Variants in UBE2D2 observed in about 807,000 individuals in gnomAD.
UBE2D2 encodes ubiquitin-conjugating enzyme E2 D2.
In UBE2D2, 2 loss-of-function variants were observed where a neutral mutation model predicts 24.2. That is an observed-to-expected ratio of 0.08 (90% CI 0.03 to 0.26). The LOEUF (loss-of-function observed/expected upper bound fraction) is 0.26, where lower values mean the gene tolerates loss of function less well. UBE2D2 is among the 10% of genes least tolerant of loss of function. The pLI is 1.00. For synonymous variants in UBE2D2, 58 were observed against 56.5 expected (o/e 1.03, Z -0.12); for missense variants, 44 against 177.6 (o/e 0.25, Z 4.28).
At chr5:139,532,339 C>T (rs1056286662) in intron 1 of UBE2D2, among the ~76,000 whole-genome samples, 1 of 150,060 alleles carries the variant, frequency 6.7e-6, no homozygotes, top group African/African-American at 2.5e-5. Context: ...CAACAACTCC[C>T]GGCTAGTTTT....
At chr5:139,603,485 C>T (rs753103639) in intron 2 of UBE2D2, among the ~76,000 whole-genome samples, 107 of 151,746 alleles carry the variant, frequency 7.1e-4, no homozygotes, top group Non-Finnish European at 1.2e-3. Context: ...TAGCTGGGCG[C>T]GGTGGCGCCT....
At chr5:139,626,700 C>CT in intron 6 of UBE2D2, 56 bp from the exon 7 acceptor site, 4 of 1,422,566 alleles carry the variant, frequency 2.8e-6, no homozygotes, top group Non-Finnish European at 4.0e-6. Flanking sequence ...TGAATGGAAT[C>CT]TGTTGCTTAC....
At chr5:139,571,087 G>A (rs1055979218) in intron 1 of UBE2D2, among the ~76,000 whole-genome samples, 8 of 152,098 alleles carry the variant, frequency 5.3e-5, no homozygotes, top group Admixed American at 3.3e-4. Context: ...TTACGTGTGA[G>A]TTGTTAGGGA....
At chr5:139,570,534 T>C (rs1000250858) in intron 1 of UBE2D2, among the ~76,000 whole-genome samples, 1 of 150,222 alleles carries the variant, frequency 6.7e-6, no homozygotes, top group Non-Finnish European at 1.5e-5. Flanking sequence ...TTATTTGAGA[T>C]GGAGTCTAGC....
chr5:139,598,718 T>G (rs1256014789), intron 1 of UBE2D2, among the ~76,000 whole-genome samples: 1 of 150,364 alleles, frequency 6.7e-6, no homozygotes, highest in African/African-American at 2.4e-5. Flanking sequence ...GTGCCACCAC[T>G]CCCAGCTAAT....
In UBE2D2 at chr5:139,539,443, G is replaced by A. The variant is rs149643881; in HGVS notation, c.-64+12831G>A. ...TGCCAGGGCTTAGGGAGATAGGGGT[G>A]TATGTGTGTGATTCTAAAGAGATGA... On this transcript the variant is annotated intron_variant, in intron 1 of 6. Coordinates refer to the UBE2D2 transcript ENST00000511725. Among the ~76,000 whole-genome samples, 65 of 152,246 alleles carry A rather than the reference G, an allele frequency of 4.3e-4. 2 individuals carry two copies. In the East Asian group the frequency reaches 0.012, roughly 27 times the overall value.
intron 1 of UBE2D2, among the ~76,000 whole-genome samples, chr5:139,540,580 T>C (rs187991349): frequency 2.4e-4 from 36 of 151,360 alleles, no homozygotes; most frequent in African/African-American, 8.7e-4. Flanking sequence ...AGCTATCTAA[T>C]TATCTGTTAT....
chr5:139,533,357 G>T (rs1266967286), intron 1 of UBE2D2, among the ~76,000 whole-genome samples: 1 of 151,136 alleles, frequency 6.6e-6, no homozygotes, highest in East Asian at 2.0e-4. Flanking sequence ...AGGTTGAAAG[G>T]AAAAGAAAAG....
chr5:139,560,767 G>C (rs1048243235), upstream of UBE2D2, among the ~76,000 whole-genome samples: 6 of 152,210 alleles, frequency 3.9e-5, no homozygotes, highest in African/African-American at 1.2e-4. Flanking sequence ...ACATGCCAGT[G>C]GCTGAGAACA....
intron 1 of UBE2D2, among the ~76,000 whole-genome samples, chr5:139,577,188 C>T (rs191105397): frequency 1.0e-3 from 153 of 152,026 alleles, no homozygotes; most frequent in African/African-American, 3.6e-3. Flanking sequence ...ACTTAACCAC[C>T]TGTGCTTTGA....
At chr5:139,539,111 A>G (rs1752724195) in intron 1 of UBE2D2, among the ~76,000 whole-genome samples, 2 of 151,072 alleles carry the variant, frequency 1.3e-5, no homozygotes, top group Non-Finnish European at 3.0e-5. Flanking sequence ...TGCAACCTCC[A>G]CCTCCCGGGT....
intron 1 of UBE2D2, among the ~76,000 whole-genome samples, chr5:139,569,851 G>A (rs1374659004): frequency 6.6e-6 from 1 of 152,164 alleles, no homozygotes; most frequent in Non-Finnish European, 1.5e-5. Context: ...TCCAGAGGAT[G>A]CAGCCTTTTT....
intron 1 of UBE2D2, among the ~76,000 whole-genome samples, chr5:139,528,917 AG>A (rs780163320): frequency 3.3e-5 from 5 of 152,284 alleles, no homozygotes; most frequent in Non-Finnish European, 7.3e-5. Flanking sequence ...GTGACTCTGA[AG>A]AAGATGACAA....
intron 1 of UBE2D2, among the ~76,000 whole-genome samples, chr5:139,550,399 A>T (rs1423218464): frequency 1.3e-5 from 2 of 152,154 alleles, no homozygotes; most frequent in African/African-American, 4.8e-5. Context: ...CTGTCAAAAC[A>T]GACCAATCAG....
At chr5:139,563,890 G>A (rs1753162612) in intron 1 of UBE2D2, among the ~76,000 whole-genome samples, 1 of 151,794 alleles carries the variant, frequency 6.6e-6, no homozygotes, top group African/African-American at 2.4e-5. Context: ...AGCCGAGATC[G>A]CGCCACTGCA....
chr5:139,605,419 C>T lies in UBE2D2; in HGVS notation c.88+4984C>T, dbSNP rs372439678. ...CATCCTGGCTAACATGGTGAAACCC[C>T]GTCTCTACTAAAAATACAAAAAATT... On this transcript the variant is annotated intron_variant, in intron 2 of 6. Transcript: ENST00000398733. Among the ~76,000 whole-genome samples, 77 of 151,548 alleles carry T rather than the reference C, an allele frequency of 5.1e-4. 1 individual carries two copies. In the East Asian group the frequency reaches 0.014, roughly 27 times the overall value.
intron 1 of UBE2D2, among the ~76,000 whole-genome samples, chr5:139,537,173 ACT>A (rs1489190094): frequency 6.9e-6 from 1 of 144,892 alleles, no homozygotes; most frequent in Non-Finnish European, 1.5e-5. Flanking sequence ...ACAGAGCGAG[ACT>A]CTGTCTCACA....
chr5:139,597,213 A>G (rs1450743142), intron 1 of UBE2D2, among the ~76,000 whole-genome samples: 2 of 152,142 alleles, frequency 1.3e-5, no homozygotes, highest in Admixed American at 6.6e-5. Context: ...TCTCTTTTAT[A>G]GTTATTCCCC....
chr5:139,549,276 T>G (rs1443785631), intron 1 of UBE2D2, among the ~76,000 whole-genome samples: 2 of 152,144 alleles, frequency 1.3e-5, no homozygotes, highest in East Asian at 1.9e-4. Flanking sequence ...GCCGCTGCAC[T>G]GCGGGAGCCC....
Sources: allele counts gnomAD v4.1 joint callset (sites outside exome capture counted in the v4.1 genomes callset), GRCh38; gene constraint gnomAD v4.1.1; transcripts MANE v1.5; gene names NCBI Gene and HGNC (gene_info 2026-07-23, HGNC 2026-07-21).